The following IL23R variants were observed in gnomAD, a reference collection of about 807,000 sequenced individuals.
IL23R encodes interleukin 23 receptor.
Under a neutral mutation model 56.9 loss-of-function variants are expected in IL23R, and 34 were observed. The observed-to-expected ratio is 0.60, with a 90% CI of 0.45 to 0.80. The LOEUF (loss-of-function observed/expected upper bound fraction) is 0.80, where lower values mean the gene tolerates loss of function less well. Ranked by LOEUF, IL23R falls within the 30% of genes least tolerant of loss-of-function variation. The probability of loss-of-function intolerance (pLI) is 0.00; values close to 1 mark genes in which losing one functional copy is unlikely to be tolerated. For synonymous variants in IL23R, 230 were observed against 249.2 expected, an observed-to-expected ratio of 0.92 and a Z score of 0.73; for missense variants, 635 against 730.0, an observed-to-expected ratio of 0.87 and a Z score of 1.50.
intron 1 of IL23R, among the ~76,000 whole-genome samples, chr1:67,150,585 T>C (rs1418879275): frequency 6.8e-6 from 1 of 147,662 alleles, no homozygotes; most frequent in Non-Finnish European, 1.5e-5. Context: ...TCCATGTCCC[T>C]GCAAAGGACA....
At chr1:67,223,934 C>T (rs181747311) in intron 7 of IL23R, among the ~76,000 whole-genome samples, 236 of 152,258 alleles carry the variant, frequency 1.5e-3, no homozygotes, top group Middle Eastern at 0.014. Context: ...AAGAGTTAAG[C>T]ACCTTTTAAG....
chr1:67,188,033 C>T (rs756123858), intron 4 of IL23R, among the ~76,000 whole-genome samples: 9 of 151,984 alleles, frequency 5.9e-5, no homozygotes, highest in Non-Finnish European at 8.8e-5. Flanking sequence ...GCCTGGGCTA[C>T]AGAGTGAGAC....
downstream of IL23R, among the ~76,000 whole-genome samples, chr1:67,263,133 A>AC (rs1558272132): frequency 1.5e-5 from 1 of 65,452 alleles, no homozygotes; most frequent in Non-Finnish European, 3.0e-5. Flanking sequence ...TTTTTTTTTT[A>AC]ACAGGTCACC....
chr1:67,200,744 A>T lies in IL23R; in HGVS notation c.499A>T (p.Thr167Ser), dbSNP rs1256833458. The change falls in exon 5 of 11, where the codon ACA becomes TCA. Residue 167 changes from threonine to serine, a missense_variant. Transcript: ENST00000347310. ...TTTTTTTTTTGTTTTAAGTTTAGAG[A>T]CAGAAGAAGAGCAACAGTATCTCAC... is the stretch of plus-strand genomic sequence containing the variant. ...KYVVHVKSLE[T>S]EEEQQYLTSS... 5 of 1,613,296 alleles carry T rather than the reference A, an allele frequency of 3.1e-6. No homozygotes were observed. The African/African-American group carries it at 5.3e-5, about 17-fold the overall frequency.
intron 9 of IL23R, among the ~76,000 whole-genome samples, chr1:67,251,762 C>A (rs541404559): frequency 6.6e-6 from 1 of 152,268 alleles, no homozygotes; most frequent in South Asian, 2.1e-4. Context: ...CCCAGGCCAC[C>A]ACTGTGAAAG....
At chr1:67,257,860 C>T (rs1376013007) in intron 10 of IL23R, among the ~76,000 whole-genome samples, 9 of 152,066 alleles carry the variant, frequency 5.9e-5, no homozygotes, top group Admixed American at 6.5e-5. Flanking sequence ...TGCGCTACTA[C>T]GCCTGGCTGA....
At chr1:67,255,360 A>G (rs896958860) in intron 9 of IL23R, among the ~76,000 whole-genome samples, 53 of 152,214 alleles carry the variant, frequency 3.5e-4, no homozygotes, top group African/African-American at 1.2e-3. Flanking sequence ...ATCTGAAAAG[A>G]TAATGACACA....
chr1:67,209,289 G>A (rs561717625), intron 6 of IL23R, among the ~76,000 whole-genome samples: 9 of 152,280 alleles, frequency 5.9e-5, no homozygotes, highest in Non-Finnish European at 1.2e-4. Context: ...AATTGGGAAG[G>A]CATAGTTGGT....
At position 67,247,907 on chromosome 1, in the gene IL23R, A is replaced by G. The variant is rs550063670; in HGVS notation, c.1148+7626A>G. On this transcript the variant is annotated intron_variant, in intron 9 of 10. Coordinates refer to ENST00000347310, the MANE Select transcript of IL23R (RefSeq NM_144701.3). ...TGGCTGGATATGAAATTCTAGGTTG[A>G]AAATTCTTTCCTTTAAGAATGTTGA... Among the ~76,000 whole-genome samples, 62 of 152,322 alleles carry G rather than the reference A, an allele frequency of 4.1e-4. No homozygotes were observed. The South Asian group carries it at 8.3e-3, about 20-fold the overall frequency.
At chr1:67,229,715 G>T (rs12030107) in intron 7 of IL23R, among the ~76,000 whole-genome samples, 43,351 of 152,032 alleles carry the variant, frequency 0.29, 7,336 homozygotes, top group East Asian at 0.72. Flanking sequence ...AAGGATTTTA[G>T]GACTTGTATG....
intron 9 of IL23R, among the ~76,000 whole-genome samples, chr1:67,242,154 C>T (rs1192303332): frequency 6.6e-6 from 1 of 152,116 alleles, no homozygotes; most frequent in Admixed American, 6.5e-5. Context: ...CAAATGATGC[C>T]CTGCTAGAAG....
downstream of IL23R, among the ~76,000 whole-genome samples, chr1:67,260,802 C>T (rs1042277595): frequency 3.9e-5 from 6 of 151,974 alleles, no homozygotes; most frequent in East Asian, 1.9e-4. Context: ...GAGGCTGAGG[C>T]GGAAGGAACA....
intron 8 of IL23R, 130 bp downstream of exon 8, chr1:67,236,932 A>G: frequency 1.4e-6 from 1 of 690,564 alleles, no homozygotes; most frequent in East Asian, 2.7e-5. Flanking sequence ...CTTCCATAGG[A>G]AAATAATAGA....
rs573178350 is a variant in IL23R at position 67,142,313 on chromosome 1, A to G, written c.-634+3152A>G. Among the ~76,000 whole-genome samples, 74 of 152,152 alleles carry G rather than the reference A, an allele frequency of 4.9e-4. 1 individual carries two copies. Among genetic ancestry groups the G allele is most frequent in the Non-Finnish European group, 8.4e-4 (57 of 68,026 alleles). ...TAAATTATATAAAGCTAAAGACTAA[A>G]ACAATAATTTGGTGAGTTTAAAAGT... On this transcript the variant is annotated intron_variant, in intron 1 of 10. Transcript: ENST00000637002.
chr1:67,219,601 T>C lies in IL23R; in HGVS notation c.826T>C (p.Tyr276His). The C allele has an allele frequency of 1.2e-6, 2 of 1,614,024 alleles. No individual in the cohort carries two copies. Among genetic ancestry groups the C allele is most frequent in the Non-Finnish European group, 1.7e-6 (2 of 1,179,930 alleles). Residue 276 changes from tyrosine (Y) to histidine (H), a missense_variant, in exon 7 of 11, where the codon TAT becomes CAT. Coordinates refer to ENST00000347310, the MANE Select transcript of IL23R (RefSeq NM_144701.3). ...NVKEFDTNFT[Y>H]VQQSEFYLEP... is the part of the protein sequence containing the mutation. ...TAAAGAATTTGACACCAATTTTACA[T>C]ATGTGCAACAGTCAGAATTCTACTT...
chr1:67,248,312 C>A (rs1019871424), intron 9 of IL23R, among the ~76,000 whole-genome samples: 23 of 152,094 alleles, frequency 1.5e-4, no homozygotes, highest in African/African-American at 3.9e-4. Flanking sequence ...TTGTTTGATT[C>A]TTTTCATTCT....
intron 5 of IL23R, among the ~76,000 whole-genome samples, chr1:67,203,571 T>C (rs748866269): frequency 6.6e-6 from 1 of 152,142 alleles, no homozygotes. Context: ...TATCCCAGAA[T>C]GTACTCAGAA....
intron 9 of IL23R, among the ~76,000 whole-genome samples, chr1:67,242,894 A>G (rs977508429): frequency 2.0e-5 from 3 of 152,090 alleles, no homozygotes; most frequent in African/African-American, 7.3e-5. Flanking sequence ...AATCCCTTAT[A>G]AATATTTAAA....
At chr1:67,236,029 T>C (rs1268846543) in intron 7 of IL23R, among the ~76,000 whole-genome samples, 1 of 152,164 alleles carries the variant, frequency 6.6e-6, no homozygotes, top group Non-Finnish European at 1.5e-5. Context: ...AGGAGGAGAC[T>C]GGCAAGGCTG....
Sources: allele counts gnomAD v4.1 joint callset (sites outside exome capture counted in the v4.1 genomes callset), GRCh38; gene constraint gnomAD v4.1.1; transcripts MANE v1.5; gene names NCBI Gene and HGNC (gene_info 2026-07-23, HGNC 2026-07-21).